The following TNR variants were observed in gnomAD, a reference collection of about 807,000 sequenced individuals.
TNR encodes tenascin-R.
TNR carries 45 observed loss-of-function variants against 150.4 expected under a neutral mutation model. The observed-to-expected ratio is 0.30, with a 90% CI of 0.24 to 0.38. The LOEUF is 0.38. Among genes scored for constraint, TNR ranks in the 10% least tolerant of loss-of-function variants. TNR has a pLI of 1.00. For synonymous variants in TNR, 687 were observed against 678.4 expected, an observed-to-expected ratio of 1.01 and a Z score of -0.20; for missense variants, 1,544 against 1,759.1, an observed-to-expected ratio of 0.88 and a Z score of 2.19.
intron 2 of TNR, among the ~76,000 whole-genome samples, chr1:175,418,727 A>G (rs892441916): frequency 4.7e-5 from 7 of 147,810 alleles, no homozygotes; most frequent in South Asian, 2.1e-4. Flanking sequence ...AGAGAGAAAA[A>G]AAAAAAAAGG....
chr1:175,595,093 G>A (rs935285154), intron 1 of TNR, among the ~76,000 whole-genome samples: 4 of 150,796 alleles, frequency 2.7e-5, no homozygotes, highest in African/African-American at 7.3e-5. Flanking sequence ...CTTGAACCTG[G>A]GAGACGGAGG....
At chr1:175,421,105 T>C (rs1029190650) in intron 2 of TNR, among the ~76,000 whole-genome samples, 4 of 152,126 alleles carry the variant, frequency 2.6e-5, no homozygotes, top group East Asian at 3.9e-4. Flanking sequence ...CAACATTGAC[T>C]CCAAGCAGCA....
At chr1:175,471,195 A>T (rs1172218803) in intron 2 of TNR, among the ~76,000 whole-genome samples, 1 of 152,190 alleles carries the variant, frequency 6.6e-6, no homozygotes, top group East Asian at 1.9e-4. Context: ...TAATGAACTC[A>T]TTTATGTCCT....
chr1:175,437,733 G>C (rs1489566277), intron 2 of TNR, among the ~76,000 whole-genome samples: 3 of 152,226 alleles, frequency 2.0e-5, no homozygotes, highest in Admixed American at 2.0e-4. Context: ...ACTACCATTA[G>C]AGAATACTAT....
At position 175,447,300 on chromosome 1, in the gene TNR, C is replaced by T. The variant is rs138044930; in HGVS notation, c.-63-40523G>A. Among the ~76,000 whole-genome samples, 492 of 152,300 alleles carry T rather than the reference C, an allele frequency of 3.2e-3. 1 individual carries two copies. The highest frequency in any genetic ancestry group is 0.01 in the Middle Eastern group (3 of 294). On this transcript the variant is annotated intron_variant, in intron 2 of 22. Coordinates refer to ENST00000367674, the MANE Select transcript of TNR (RefSeq NM_003285.3). ...CAGTGGATTTGTTCTTCTTCTTTCT[C>T]GGCCTTCCTCCTGCTTCTCTGAAGG...
chr1:175,699,667 G>A (rs1048130116), intron 1 of TNR, among the ~76,000 whole-genome samples: 2 of 152,148 alleles, frequency 1.3e-5, no homozygotes, highest in African/African-American at 4.8e-5. Context: ...TGGGGATACA[G>A]AGGAGTAAGC....
Position 175,504,821 on chromosome 1 carries a change from G to A in TNR, c.-64+23448C>T, listed in dbSNP as rs117442358. The stretch of plus-strand genomic sequence containing the variant: ...TATTTGGAACTAGGGCCTTTAAAGA[G>A]GTGATCAAATTAAAATAGGTCATAT... On this transcript the variant is annotated intron_variant, in intron 2 of 22. Transcript: ENST00000367674. Among the ~76,000 whole-genome samples the A allele has an allele frequency of 2.4e-4, 37 of 152,340 alleles. No homozygotes were observed. The East Asian group carries it at 6.6e-3, about 27-fold the overall frequency.
In TNR at chr1:175,695,981, G is replaced by GAC. The variant is rs1666503371; in HGVS notation, c.-165+47244_-165+47245insGT. On this transcript the variant is annotated intron_variant, in intron 1 of 22. Transcript: ENST00000367674. ...GGATGCATGGATGCATGGACAGATG[G>GAC]ATATATGGATGGATGGATGGATGGA... 3.6e-5 allele frequency among the ~76,000 whole-genome samples: 5 copies of GAC among 138,664 alleles called. No individual in the cohort carries two copies. In the Admixed American group the frequency reaches 3.8e-4, roughly 11 times the overall value. The allele number at this position is 138,664 out of a possible 152,430, so 91.0% of individuals were successfully genotyped here. A position where few individuals can be genotyped will look rare whatever the true frequency, so the allele number is the denominator to read the frequency against.
intron 5 of TNR, among the ~76,000 whole-genome samples, chr1:175,396,222 G>A (rs1653418409): frequency 6.6e-6 from 1 of 152,190 alleles, no homozygotes; most frequent in Non-Finnish European, 1.5e-5. Flanking sequence ...CTGATTCAAA[G>A]TCTGTAGATG....
chr1:175,460,423 T>C (rs1416269524), intron 2 of TNR, among the ~76,000 whole-genome samples: 1 of 151,820 alleles, frequency 6.6e-6, no homozygotes, highest in Non-Finnish European at 1.5e-5. Context: ...AACCCAAATA[T>C]TGGAAAACCT....
intron 2 of TNR, among the ~76,000 whole-genome samples, chr1:175,478,743 T>C (rs1043138310): frequency 6.6e-6 from 1 of 152,208 alleles, no homozygotes; most frequent in African/African-American, 2.4e-5. Context: ...ACCTTGTTTA[T>C]ATAAAAAGAT....
At chr1:175,394,779 C>A (rs935741884) in intron 5 of TNR, among the ~76,000 whole-genome samples, 12 of 152,214 alleles carry the variant, frequency 7.9e-5, no homozygotes, top group African/African-American at 2.9e-4. Flanking sequence ...ACTGCAAGCC[C>A]ACTTGAAGTT....
intron 1 of TNR, among the ~76,000 whole-genome samples, chr1:175,530,103 T>A (rs547466190): frequency 6.6e-6 from 1 of 152,362 alleles, no homozygotes; most frequent in Non-Finnish European, 1.5e-5. Context: ...AAGACGCTAA[T>A]CGTTTCTCCC....
chr1:175,671,836 C>G (rs539479757), intron 1 of TNR, among the ~76,000 whole-genome samples: 1 of 152,088 alleles, frequency 6.6e-6, no homozygotes, highest in South Asian at 2.1e-4. Context: ...AACATAATTA[C>G]TCGGGCAGCC....
intron 1 of TNR, among the ~76,000 whole-genome samples, chr1:175,730,058 T>C (rs187288543): frequency 6.6e-6 from 1 of 152,334 alleles, no homozygotes; most frequent in African/African-American, 2.4e-5. Context: ...CCCATGAGTA[T>C]CCTGAAAGGA....
chr1:175,411,027 T>C (rs1571402578), intron 2 of TNR, among the ~76,000 whole-genome samples: 1 of 152,304 alleles, frequency 6.6e-6, no homozygotes, highest in East Asian at 1.9e-4. Flanking sequence ...AACTATGATA[T>C]GTGCAAGAGC....
intron 1 of TNR, among the ~76,000 whole-genome samples, chr1:175,672,624 A>G (rs1419135729): frequency 6.6e-6 from 1 of 152,204 alleles, no homozygotes; most frequent in Admixed American, 6.5e-5. Flanking sequence ...GTGCATTCAC[A>G]GAGGTGAATT....
Position 175,396,234 on chromosome 1 carries a change from C to T in TNR, c.1240+310G>A, listed in dbSNP as rs1571382267. Among the ~76,000 whole-genome samples the T allele has an allele frequency of 2.0e-5, 3 of 152,330 alleles. No homozygotes were observed. The South Asian group carries it at 6.2e-4, about 32-fold the overall frequency. Reference sequence around the variant, plus strand: ...TAACTGATTCAAAGTCTGTAGATGTCTTACACTTTCCTTGACTTCTAGTCA... The same window carrying T: ...TAACTGATTCAAAGTCTGTAGATGTTTTACACTTTCCTTGACTTCTAGTCA... On this transcript the variant is annotated intron_variant, in intron 5 of 22. Transcript: ENST00000367674.
At chr1:175,689,228 A>G (rs1380124965) in intron 1 of TNR, among the ~76,000 whole-genome samples, 1 of 152,138 alleles carries the variant, frequency 6.6e-6, no homozygotes, top group African/African-American at 2.4e-5. Context: ...GCCACTATGC[A>G]ACATCTTGGC....
Sources: gnomAD v4.1 joint callset for allele counts (sites outside exome capture counted in the v4.1 genomes callset) on GRCh38, gnomAD v4.1.1 for gene constraint, MANE v1.5 for transcripts, NCBI Gene and HGNC (gene_info 2026-07-23, HGNC 2026-07-21) for gene names.